NGFR: variants seen among roughly 807,000 people sequenced by gnomAD.
NGFR encodes tumor necrosis factor receptor superfamily member 16.
A neutral mutation model predicts 43.2 loss-of-function variants in NGFR; 30 were observed. The observed-to-expected ratio is 0.69, with a 90% CI of 0.52 to 0.94. The LOEUF (loss-of-function observed/expected upper bound fraction) is 0.94, where lower values mean the gene tolerates loss of function less well. Among genes scored for constraint, NGFR ranks in the 40% least tolerant of loss-of-function variants. NGFR has a pLI of 0.00. For missense variants in NGFR, 529 were observed against 602.5 expected, an observed-to-expected ratio of 0.88 and a Z score of 1.28; for synonymous variants, 246 against 259.6, an observed-to-expected ratio of 0.95 and a Z score of 0.50.
At chr17:49,501,173 G>A (rs1415585912) in intron 1 of NGFR, among the ~76,000 whole-genome samples, 1 of 152,228 alleles carries the variant, frequency 6.6e-6, no homozygotes, top group Non-Finnish European at 1.5e-5. Context: ...AGATGCTTCA[G>A]TGGCAGGAAC....
chr17:49,500,300 C>T (rs1256289854), intron 1 of NGFR, among the ~76,000 whole-genome samples: 2 of 152,292 alleles, frequency 1.3e-5, no homozygotes, highest in East Asian at 1.9e-4. Flanking sequence ...AACCAACAGT[C>T]GCTCTCCCAG....
At position 49,512,575 on chromosome 17, in the gene NGFR, G is replaced by C; in HGVS notation, c.983-133G>C. 1 of 1,197,598 alleles carries C rather than the reference G, an allele frequency of 8.4e-7. No individual in the cohort carries two copies. Among genetic ancestry groups the C allele is most frequent in the Non-Finnish European group, 1.2e-6 (1 of 853,602 alleles). The allele number at this position is 1,197,598 out of a possible 1,614,324, so 74.2% of individuals were successfully genotyped here. On this transcript the variant is annotated intron_variant, in intron 5 of 5. Coordinates refer to ENST00000172229, the MANE Select transcript of NGFR (RefSeq NM_002507.4). The surrounding 1 kb of genome is among the most constrained non-coding windows in gnomAD (Gnocchi z 5.2). ...CTTCACTTCCTGGTGCCCCACCCAG[G>C]ACCTTGTCTTGGCCCCAGGCCTCCA...
chr17:49,497,184 T>A (rs1305953702), intron 1 of NGFR: 2 of 152,184 alleles, frequency 1.3e-5, no homozygotes, highest in Non-Finnish European at 2.9e-5. Context: ...GGGTTGACAC[T>A]GTCCCCAGAG....
At chr17:49,500,938 G>A (rs950528243) in intron 1 of NGFR, among the ~76,000 whole-genome samples, 1 of 152,210 alleles carries the variant, frequency 6.6e-6, no homozygotes, top group Non-Finnish European at 1.5e-5. Context: ...TGTAGAAGAA[G>A]CAGAATGCCC....
chr17:49,501,095 A>G (rs946213325), intron 1 of NGFR, among the ~76,000 whole-genome samples: 27 of 152,222 alleles, frequency 1.8e-4, no homozygotes, highest in African/African-American at 5.3e-4. Flanking sequence ...GAACAGAAAT[A>G]TAAAGCAAGC....
At position 49,502,161 on chromosome 17, in the gene NGFR, G is replaced by C; in HGVS notation, c.165G>C (p.Gln55His). 1 of 1,611,940 alleles carries C rather than the reference G, an allele frequency of 6.2e-7. No individual in the cohort carries two copies. The highest frequency in any genetic ancestry group is 1.7e-4 in the Middle Eastern group (1 of 6,052). Reference protein sequence around the residue: ...KACNLGEGVAQPCGANQTVCE... With the variant: ...KACNLGEGVAHPCGANQTVCE... ...GCAACCTGGGCGAGGGTGTGGCCCA[G>C]CCTTGTGGAGCCAACCAGACCGTGT... Residue 55 changes from glutamine (Q) to histidine (H), a missense_variant, in exon 2 of 6, where the codon CAG (glutamine) becomes CAC (histidine). Gln to His is a conservative substitution (Grantham distance 24, BLOSUM62 0). Coordinates refer to ENST00000172229, the MANE Select transcript of NGFR (RefSeq NM_002507.4).
Position 49,506,676 on chromosome 17 carries a change from GGCGGGGGGAGTGGGGGT to G in NGFR, c.568+26_568+42del. On this transcript the variant is annotated intron_variant, in intron 3 of 5. Coordinates refer to ENST00000172229, the MANE Select transcript of NGFR (RefSeq NM_002507.4). ...GTGCGAGGGTGAGTGCGGTTCGGGG[GGCGGGGGGAGTGGGGGT>G]GCGGGGGTGGGCTGGGGGCATAAGG... is the stretch of plus-strand genomic sequence containing the variant. 1 of 1,385,730 alleles carries G rather than the reference GGCGGGGGGAGTGGGGGT, an allele frequency of 7.2e-7. No homozygotes were observed. Among genetic ancestry groups the G allele is most frequent in the Non-Finnish European group, 9.5e-7 (1 of 1,055,926 alleles). 85.8% of individuals were successfully genotyped at this position (1,385,730 alleles called of 1,614,324 possible). A position where few individuals can be genotyped will look rare whatever the true frequency, so the allele number is the denominator to read the frequency against.
At position 49,512,745 on chromosome 17, in the gene NGFR, C is replaced by T. The variant is rs202106976; in HGVS notation, c.1020C>T (p.Pro340=). The T allele has an allele frequency of 1.2e-6, 2 of 1,612,070 alleles. No individual in the cohort carries two copies. The highest frequency in any genetic ancestry group is 2.2e-5 in the East Asian group (1 of 44,876). The change falls in exon 6 of 6, where the codon CCC becomes CCT. Residue 340 remains proline, a synonymous_variant. Coordinates refer to ENST00000172229, the MANE Select transcript of NGFR (RefSeq NM_002507.4). This position sits in a 1 kb window ranked among gnomAD's most constrained non-coding sequence, Gnocchi z 5.2. ...ACGGAGGCCTCTACAGCAGCCTGCC[C>T]CCAGCCAAGCGGGAGGAGGTGGAGA... ...KGDGGLYSSL[P]PAKREEVEKL...
At chr17:49,502,000 A>AAGGCCC in intron 1 of NGFR, 63 bp from the exon 2 acceptor site, 3 of 264,886 alleles carry the variant, frequency 1.1e-5, no homozygotes, top group Non-Finnish European at 2.4e-5. Flanking sequence ...CCCCGGAAGA[A>AAGGCCC]CCCCCCCCAA....
intron 2 of NGFR, 179 bp from the exon 3 acceptor site, chr17:49,506,120 C>A: frequency 8.1e-7 from 1 of 1,238,138 alleles, no homozygotes; most frequent in Non-Finnish European, 1.1e-6. Context: ...TCCCAGTTGG[C>A]TGCCACCAAC....
intron 2 of NGFR, 189 bp from the exon 3 acceptor site, chr17:49,506,110 T>G: frequency 8.5e-7 from 1 of 1,181,612 alleles, no homozygotes; most frequent in Non-Finnish European, 1.1e-6. Context: ...CCTCCCCCTT[T>G]CCCAGTTGGC....
At position 49,510,671 on chromosome 17, in the gene NGFR, G is replaced by A. The variant is rs1162893248; in HGVS notation, c.821+7G>A. On this transcript the variant is annotated splice_region_variant and intron_variant, in intron 4 of 5. Transcript: ENST00000172229. ...CCTACATAGCCTTCAAGAGGTAAGAGAGGGCACGGTGGCGACAGAGAGGGG... is the reference window on the plus strand; with the variant it reads ...CCTACATAGCCTTCAAGAGGTAAGAAAGGGCACGGTGGCGACAGAGAGGGG... 1 of 1,609,690 alleles carries A rather than the reference G, an allele frequency of 6.2e-7. No homozygotes were observed. The highest frequency in any genetic ancestry group is 8.5e-7 in the Non-Finnish European group (1 of 1,176,390).
chr17:49,504,442 C>A (rs2071184439), intron 2 of NGFR, among the ~76,000 whole-genome samples: 1 of 152,228 alleles, frequency 6.6e-6, no homozygotes, highest in African/African-American at 2.4e-5. Flanking sequence ...TCGCTCTCCA[C>A]CCCCATGGGG....
rs867152557 is a variant in NGFR at position 49,495,329 on chromosome 17, G to A, written c.-89G>A. The A allele has an allele frequency of 1.4e-5, 15 of 1,072,126 alleles. No individual in the cohort carries two copies. The South Asian group carries it at 1.4e-4, about 10-fold the overall frequency. 66.4% of individuals were successfully genotyped at this position (1,072,126 alleles called of 1,614,324 possible). On this transcript the variant is annotated 5_prime_UTR_variant, in exon 1 of 6. Transcript: ENST00000172229. The surrounding 1 kb of genome is among the most constrained non-coding windows in gnomAD (Gnocchi z 6.4). Reference sequence around the variant, plus strand: ...AGCCGCGGCCAGCTCCGGCGGGCAGGGGGGGCGCTGGAGCGCAGCGCAGCG... The same window carrying A: ...AGCCGCGGCCAGCTCCGGCGGGCAGAGGGGGCGCTGGAGCGCAGCGCAGCG...
chr17:49,510,858 C>T (rs2071227551), intron 4 of NGFR, 194 bp downstream of exon 4: 3 of 641,274 alleles, frequency 4.7e-6, no homozygotes, highest in Non-Finnish European at 8.0e-6. Context: ...TCCACCTGTC[C>T]TGTCCTGTCC....
chr17:49,503,878 C>G (rs749570014), intron 2 of NGFR, among the ~76,000 whole-genome samples: 2 of 152,184 alleles, frequency 1.3e-5, no homozygotes, highest in Non-Finnish European at 2.9e-5. Flanking sequence ...TGATGGGAAC[C>G]CTTTCCCTTC....
intron 1 of NGFR, 64 bp from the exon 2 acceptor site, chr17:49,501,999 A>AGGGGGGCCCCCCCCCCCCCCC: frequency 3.0e-6 from 1 of 330,982 alleles, no homozygotes; most frequent in Non-Finnish European, 5.9e-6. Context: ...TCCCCGGAAG[A>AGGGGGGCCCCCCCCCCCCCCC]ACCCCCCCCA....
intron 3 of NGFR, among the ~76,000 whole-genome samples, 180 bp downstream of exon 3, chr17:49,506,838 G>T (rs2071202728): frequency 1.3e-5 from 2 of 152,164 alleles, no homozygotes; most frequent in African/African-American, 2.4e-5. Flanking sequence ...TAAGGGAGGA[G>T]GTCATTCCCC....
Position 49,512,899 on chromosome 17 carries a change from A to ATG in NGFR, c.1174_1175insTG (p.Thr392MetfsTer75). On this transcript the variant is annotated frameshift_variant, in exon 6 of 6. Coordinates refer to ENST00000172229, the MANE Select transcript of NGFR (RefSeq NM_002507.4). LOFTEE classifies it high-confidence loss of function. The surrounding 1 kb of genome is among the most constrained non-coding windows in gnomAD (Gnocchi z 5.2). ...TCGCGCCCTGCTTGCAAGCTGGGCC[A>ATG]CCCAGGACAGCGCCACACTGGACGC... is the stretch of plus-strand genomic sequence containing the variant. The ATG allele has an allele frequency of 6.2e-7, 1 of 1,612,812 alleles. No individual in the cohort carries two copies. The highest frequency in any genetic ancestry group is 8.5e-7 in the Non-Finnish European group (1 of 1,179,754).
Sources: gnomAD v4.1 joint callset for allele counts (sites outside exome capture counted in the v4.1 genomes callset) on GRCh38, gnomAD v4.1.1 for gene constraint, Gnocchi (gnomAD v3.1) non-coding constraint, MANE v1.5 for transcripts, NCBI Gene and HGNC (gene_info 2026-07-23, HGNC 2026-07-21) for gene names.